RELN: variants seen among roughly 807,000 people sequenced by gnomAD.
RELN encodes the protein reelin.
RELN carries 108 observed loss-of-function variants against 427.6 expected under a neutral mutation model. The ratio of observed to expected loss-of-function variants is 0.25; its 90% CI spans 0.22 to 0.30. The LOEUF is 0.30. Ranked by LOEUF, RELN falls within the 10% of genes least tolerant of loss-of-function variation. RELN has a pLI of 1.00. For synonymous variants in RELN, 1,524 were observed against 1,513.4 expected (o/e 1.01, Z -0.16); for missense variants, 3,715 against 4,302.8 (o/e 0.86, Z 3.82).
At chr7:103,665,247 C>T (rs1484918595) in intron 11 of RELN, among the ~76,000 whole-genome samples, 1 of 152,010 alleles carries the variant, frequency 6.6e-6, no homozygotes, top group Non-Finnish European at 1.5e-5. Context: ...AAACGTGAGT[C>T]TGTTTCTACA....
rs2299375 is a variant in RELN, at chr7:103,730,235, C to A, written c.657-2028G>T. Among the ~76,000 whole-genome samples the A allele has an allele frequency of 1.0e-3, 157 of 152,058 alleles. 1 individual carries two copies. The highest frequency in any genetic ancestry group is 3.6e-3 in the African/African-American group (148 of 41,492). The stretch of plus-strand genomic sequence containing the variant: ...TTGAGGCCTGCTGTTTGAACTTCTA[C>A]AGCAATCATTTTGTCCATAAATATT... On this transcript the variant is annotated intron_variant, in intron 6 of 64. Transcript: ENST00000428762.
chr7:103,931,424 C>G (rs192186446), intron 1 of RELN, among the ~76,000 whole-genome samples: 82 of 152,234 alleles, frequency 5.4e-4, no homozygotes, highest in Non-Finnish European at 1.0e-3. Flanking sequence ...TGAAGCTTAC[C>G]ACATTCTATC....
intron 1 of RELN, among the ~76,000 whole-genome samples, chr7:103,928,397 A>T (rs1795791069): frequency 2.0e-5 from 3 of 152,228 alleles, no homozygotes; most frequent in Admixed American, 6.5e-5. Flanking sequence ...TCAGACTCCC[A>T]GTTCCCAAAT....
intron 6 of RELN, among the ~76,000 whole-genome samples, chr7:103,736,034 G>A (rs1447337737): frequency 6.6e-6 from 1 of 152,192 alleles, no homozygotes; most frequent in African/African-American, 2.4e-5. Flanking sequence ...CCCCAGGTAC[G>A]GATCACACTG....
intron 10 of RELN, among the ~76,000 whole-genome samples, chr7:103,696,115 G>A (rs568505209): frequency 3.9e-5 from 6 of 152,180 alleles, no homozygotes; most frequent in Non-Finnish European, 8.8e-5. Context: ...GAGCATTCTC[G>A]ATCTTTCTAT....
chr7:103,523,609 G>A, intron 46 of RELN, 78 bp from the exon 47 acceptor site: 4 of 1,402,790 alleles, frequency 2.9e-6, no homozygotes, highest in Admixed American at 1.7e-5. Flanking sequence ...ACAAGTGCAT[G>A]GAGAAGTGTA....
intron 2 of RELN, among the ~76,000 whole-genome samples, chr7:103,867,122 G>A (rs2116512803): frequency 6.6e-6 from 1 of 152,144 alleles, no homozygotes; most frequent in South Asian, 2.1e-4. Context: ...CATGAGTTCT[G>A]CAACAGCTGA....
chr7:103,639,359 G>C (rs1217428467), intron 17 of RELN, among the ~76,000 whole-genome samples: 1 of 151,568 alleles, frequency 6.6e-6, no homozygotes, highest in African/African-American at 2.4e-5. Flanking sequence ...ATGTCAACAA[G>C]CGCTTGGCTC....
Position 103,604,502 on chromosome 7 carries a change from A to G in RELN, c.3009-19T>C, listed in dbSNP as rs1313796744. 1.2e-6 allele frequency: 2 copies of G among 1,613,698 alleles called. No individual in the cohort carries two copies. The highest frequency in any genetic ancestry group is 1.7e-6 in the Non-Finnish European group (2 of 1,179,702). On this transcript the variant is annotated intron_variant, in intron 22 of 64. Coordinates refer to ENST00000428762, the MANE Select transcript of RELN (RefSeq NM_005045.4). ...ACTGGACCTAGAAACACGGTATAGT[A>G]TAACAAAAACGGTTTCAACCTTTCA...
At position 103,561,796 on chromosome 7, in the gene RELN, C is replaced by T. The variant is rs1480646246; in HGVS notation, c.5351+17G>A. 6.2e-7 allele frequency: 1 copy of T among 1,613,826 alleles called. No homozygotes were observed. The highest frequency in any genetic ancestry group is 8.5e-7 in the Non-Finnish European group (1 of 1,179,870). On this transcript the variant is annotated intron_variant, in intron 35 of 64. Transcript: ENST00000428762. The stretch of plus-strand genomic sequence containing the variant: ...TTTGCGTTACAAAGAAAGAAACTGT[C>T]AGTTTTATTAACTTACACACAGCGT...
At chr7:103,833,780 C>A (rs987126133) in intron 2 of RELN, 108 bp from the exon 3 acceptor site, 1 of 1,071,950 alleles carries the variant, frequency 9.3e-7, no homozygotes, top group Non-Finnish European at 1.4e-6. Flanking sequence ...AGGTTCTATG[C>A]TATTTGGCTT....
chr7:103,606,637 T>C (rs1831826959), intron 22 of RELN, among the ~76,000 whole-genome samples: 2 of 152,182 alleles, frequency 1.3e-5, no homozygotes, highest in Admixed American at 6.5e-5. Context: ...ATTTGAGATT[T>C]TTTTACTTCC....
intron 18 of RELN, 78 bp from the exon 19 acceptor site, chr7:103,635,664 T>G (rs1832564455): frequency 7.9e-7 from 1 of 1,265,556 alleles, no homozygotes; most frequent in Non-Finnish European, 1.1e-6. Flanking sequence ...TTAAAGAATT[T>G]CAAATTATGT....
intron 8 of RELN, among the ~76,000 whole-genome samples, chr7:103,705,464 G>A (rs1237449270): frequency 6.6e-6 from 1 of 152,170 alleles, no homozygotes; most frequent in Non-Finnish European, 1.5e-5. Context: ...AGAAAAATCT[G>A]ATAGTAGGTG....
intron 1 of RELN, among the ~76,000 whole-genome samples, chr7:103,921,738 C>A (rs913669640): frequency 6.6e-6 from 1 of 152,260 alleles, no homozygotes; most frequent in Non-Finnish European, 1.5e-5. Context: ...TCCCTCCAGT[C>A]AAATTTCTCC....
At chr7:103,679,643 C>G (rs1329412461) in intron 11 of RELN, among the ~76,000 whole-genome samples, 2 of 151,886 alleles carry the variant, frequency 1.3e-5, no homozygotes, top group African/African-American at 4.8e-5. Flanking sequence ...TGATGTTCCT[C>G]TGTGTCCATA....
intron 2 of RELN, among the ~76,000 whole-genome samples, chr7:103,862,409 TTCTATCTATCTATCTATCTATCTATCTA>T (rs66998908): frequency 2.8e-5 from 4 of 144,734 alleles, no homozygotes; most frequent in Non-Finnish European, 6.0e-5. Context: ...TATGCTTTTG[TTCTATCTATCTATCTATCTATCTATCTA>T]TCTATCTATC....
At chr7:103,837,861 A>C (rs187835) in intron 2 of RELN, among the ~76,000 whole-genome samples, 2 of 152,138 alleles carry the variant, frequency 1.3e-5, no homozygotes, top group African/African-American at 4.8e-5. Context: ...CTGACATATC[A>C]CAGATTCTCA....
chr7:103,793,114 A>T (rs1792207918), intron 3 of RELN, among the ~76,000 whole-genome samples: 1 of 152,170 alleles, frequency 6.6e-6, no homozygotes, highest in Admixed American at 6.5e-5. Flanking sequence ...ATTTCTATAT[A>T]TTACATGCAA....
Sources: allele counts gnomAD v4.1 joint callset (sites outside exome capture counted in the v4.1 genomes callset), GRCh38; gene constraint gnomAD v4.1.1; transcripts MANE v1.5; gene names NCBI Gene and HGNC (gene_info 2026-07-23, HGNC 2026-07-21).